The following PTPN9 variants were observed in gnomAD, a reference collection of about 807,000 sequenced individuals.
The protein encoded by PTPN9 is tyrosine-protein phosphatase non-receptor type 9.
PTPN9 carries 26 observed loss-of-function variants against 69.8 expected under a neutral mutation model. That is an observed-to-expected ratio of 0.37 (90% CI 0.27 to 0.52). The LOEUF (loss-of-function observed/expected upper bound fraction) is 0.52. Among genes scored for constraint, PTPN9 ranks in the 20% least tolerant of loss-of-function variants. The pLI, the probability that PTPN9 is intolerant of heterozygous loss-of-function variation, is 0.91. For missense variants in PTPN9, 549 were observed against 740.3 expected (o/e 0.74, Z 3.00); for synonymous variants, 274 against 272.5 (o/e 1.01, Z -0.05).
At chr15:75,506,125 G>T (rs2074818697) in intron 6 of PTPN9, 122 bp from the exon 7 acceptor site, 2 of 746,774 alleles carry the variant, frequency 2.7e-6, no homozygotes, top group Non-Finnish European at 4.3e-6. Flanking sequence ...GAAATACAAG[G>T]TATACTTGTA....
In PTPN9 at chr15:75,481,950, G is replaced by A. The variant is rs1359912993; in HGVS notation, c.1063-2036C>T. On this transcript the variant is annotated intron_variant, in intron 8 of 12. Coordinates refer to ENST00000618819, the MANE Select transcript of PTPN9 (RefSeq NM_002833.4). ...CTCTGCCCGGCCACCACCCCGTCTG[G>A]GAGGTGTGCCCAACAGCTCATTGAG... is the stretch of plus-strand genomic sequence containing the variant. 6.2e-3 allele frequency among the ~76,000 whole-genome samples: 902 copies of A among 146,226 alleles called. 16 individuals carry two copies. The highest frequency in any genetic ancestry group is 0.022 in the African/African-American group (852 of 39,358).
intron 1 of PTPN9, among the ~76,000 whole-genome samples, chr15:75,536,177 A>G (rs948674987): frequency 6.6e-6 from 1 of 152,230 alleles, no homozygotes; most frequent in Non-Finnish European, 1.5e-5. Flanking sequence ...GAAAAACTTA[A>G]GGGAAGGGGA....
At chr15:75,530,594 AT>A (rs1209394298) in intron 1 of PTPN9, among the ~76,000 whole-genome samples, 2 of 80,464 alleles carry the variant, frequency 2.5e-5, no homozygotes, top group Non-Finnish European at 4.4e-5. Context: ...AATATATATT[AT>A]TATATTATAA....
intron 1 of PTPN9, among the ~76,000 whole-genome samples, chr15:75,556,495 G>C (rs1467293223): frequency 1.3e-5 from 2 of 152,016 alleles, no homozygotes; most frequent in Non-Finnish European, 2.9e-5. Context: ...CTCTGCCTCA[G>C]CCTTCTGAGT....
At chr15:75,558,632 G>A (rs2075088051) in intron 1 of PTPN9, among the ~76,000 whole-genome samples, 1 of 152,194 alleles carries the variant, frequency 6.6e-6, no homozygotes, top group Admixed American at 6.5e-5. Context: ...CTCCCTGCCT[G>A]ATTCTCCTGC....
In PTPN9 at chr15:75,464,633, C is replaced by G. The variant is rs1181275684; in HGVS notation, c.*4136G>C. ...TCAAAACCACAAAAGAGCTGGGTCACTCTAGAGAAGCTTTTCTACTTGGCC... is the reference window on the plus strand; with the variant it reads ...TCAAAACCACAAAAGAGCTGGGTCAGTCTAGAGAAGCTTTTCTACTTGGCC... On this transcript the variant is annotated 3_prime_UTR_variant, in exon 13 of 13. Transcript: ENST00000618819. 1.3e-5 allele frequency: 2 copies of G among 152,166 alleles called. No individual in the cohort carries two copies. 9.4% of individuals were successfully genotyped at this position (152,166 alleles called of 1,614,324 possible). A position where few individuals can be genotyped will look rare whatever the true frequency, so the allele number is the denominator to read the frequency against.
At chr15:75,556,395 T>C (rs1391401590) in intron 1 of PTPN9, among the ~76,000 whole-genome samples, 1 of 151,134 alleles carries the variant, frequency 6.6e-6, no homozygotes, top group Non-Finnish European at 1.5e-5. Context: ...ATTATTATTT[T>C]GAGACAGGGT....
rs2074554291 is a variant in PTPN9, at chr15:75,469,784, T to G, written c.1567+8A>C. The G allele has an allele frequency of 6.2e-7, 1 of 1,611,970 alleles. No homozygotes were observed. ...TGCAGACACCAAGAGCTGCATTAGG[T>G]GCGTTACCTGTCCTGCCAATGCCTG... On this transcript the variant is annotated splice_region_variant and intron_variant, in intron 12 of 12. Coordinates refer to ENST00000618819, the MANE Select transcript of PTPN9 (RefSeq NM_002833.4).
chr15:75,547,264 C>T (rs1192352030), intron 1 of PTPN9, among the ~76,000 whole-genome samples: 5 of 127,870 alleles, frequency 3.9e-5, no homozygotes, highest in African/African-American at 1.5e-4. Context: ...CACTGCACTT[C>T]AGCTTGGCCG....
chr15:75,538,349 T>C (rs2074994085), intron 1 of PTPN9, among the ~76,000 whole-genome samples: 1 of 152,136 alleles, frequency 6.6e-6, no homozygotes, highest in South Asian at 2.1e-4. Context: ...AACATTGCAC[T>C]GAAGGTCATA....
chr15:75,523,319 G>A (rs1424825772), intron 3 of PTPN9, 74 bp from the exon 4 acceptor site: 6 of 1,487,558 alleles, frequency 4.0e-6, no homozygotes, highest in Admixed American at 2.1e-5. Flanking sequence ...CTTATATACT[G>A]GATAAGGGTT....
At chr15:75,530,389 A>T (rs2074949862) in intron 1 of PTPN9, among the ~76,000 whole-genome samples, 1 of 121,012 alleles carries the variant, frequency 8.3e-6, no homozygotes, top group African/African-American at 3.2e-5. Flanking sequence ...TATATATTAC[A>T]TTATATATAT....
At chr15:75,469,628 T>C (rs543281670) in intron 12 of PTPN9, among the ~76,000 whole-genome samples, 164 bp downstream of exon 12, 1 of 152,370 alleles carries the variant, frequency 6.6e-6, no homozygotes, top group East Asian at 1.9e-4. Flanking sequence ...GGCCATCACT[T>C]GGTCCACCAA....
chr15:75,483,726 A>G (rs2074657861), intron 8 of PTPN9, among the ~76,000 whole-genome samples: 1 of 152,206 alleles, frequency 6.6e-6, no homozygotes, highest in Non-Finnish European at 1.5e-5. Flanking sequence ...CGAAAGAATG[A>G]GGGTCATGAT....
At chr15:75,488,070 C>G (rs138300533) in intron 8 of PTPN9, among the ~76,000 whole-genome samples, 2,073 of 152,146 alleles carry the variant, frequency 0.014, 154 homozygotes, top group Admixed American at 0.11. Flanking sequence ...CACCCCAGGT[C>G]AGGAGTTCAA....
At chr15:75,471,825 T>C (rs931557750) in intron 10 of PTPN9, among the ~76,000 whole-genome samples, 1 of 151,402 alleles carries the variant, frequency 6.6e-6, no homozygotes, top group Middle Eastern at 3.4e-3. Flanking sequence ...TGAGGCAGAA[T>C]AGCTTCAACC....
chr15:75,480,471 A>G (rs2074622874), intron 8 of PTPN9, among the ~76,000 whole-genome samples: 1 of 150,942 alleles, frequency 6.6e-6, no homozygotes, highest in Non-Finnish European at 1.5e-5. Context: ...TTCCGTGAGG[A>G]GCGCAGAGGA....
chr15:75,504,143 C>T (rs899054594), intron 7 of PTPN9, among the ~76,000 whole-genome samples: 14 of 121,994 alleles, frequency 1.1e-4, no homozygotes, highest in Non-Finnish European at 1.7e-4. Context: ...GTCAGCCCCC[C>T]GCCCGGACAG....
At chr15:75,514,251 G>C (rs903758885) in intron 5 of PTPN9, among the ~76,000 whole-genome samples, 2 of 151,058 alleles carry the variant, frequency 1.3e-5, no homozygotes, top group African/African-American at 4.9e-5. Flanking sequence ...CCACACCCAT[G>C]AAAAGGGCCG....
Sources: gnomAD v4.1 joint callset for allele counts (sites outside exome capture counted in the v4.1 genomes callset) on GRCh38, gnomAD v4.1.1 for gene constraint, MANE v1.5 for transcripts, NCBI Gene and HGNC (gene_info 2026-07-23, HGNC 2026-07-21) for gene names.